Variants in EDN3 observed in about 807,000 individuals in gnomAD.
The protein encoded by EDN3 is endothelin-3.
EDN3 carries 9 observed loss-of-function variants against 21.4 expected under a neutral mutation model. That is an observed-to-expected ratio of 0.42 (90% confidence interval 0.25 to 0.73). The LOEUF is 0.73. EDN3 is among the 30% of genes least tolerant of loss of function. The pLI is 0.26. For missense variants in EDN3, 327 were observed against 309.4 expected (o/e 1.06, Z -0.43); for synonymous variants, 133 against 126.2 (o/e 1.05, Z -0.36).
intron 2 of EDN3, among the ~76,000 whole-genome samples, chr20:59,320,151 C>G (rs1203962379): frequency 1.3e-5 from 2 of 152,226 alleles, no homozygotes; most frequent in Non-Finnish European, 2.9e-5. Context: ...GGTTTCAAGC[C>G]TTCTTCATCA....
At chr20:59,307,334 A>T in intron 2 of EDN3, among the ~76,000 whole-genome samples, 1 of 152,106 alleles carries the variant, frequency 6.6e-6, no homozygotes, top group East Asian at 1.9e-4. Flanking sequence ...ATCTCATGGG[A>T]TCAGCTTGAC....
intron 3 of EDN3, 81 bp downstream of exon 3, chr20:59,321,274 A>C (rs529955520): frequency 5.4e-6 from 8 of 1,485,760 alleles, no homozygotes; most frequent in Non-Finnish European, 7.5e-6. Flanking sequence ...TTCTCAAAGG[A>C]GGGTGTAGGA....
At chr20:59,302,141 T>A (rs1989093328) in intron 2 of EDN3, among the ~76,000 whole-genome samples, 1 of 152,140 alleles carries the variant, frequency 6.6e-6, no homozygotes, top group South Asian at 2.1e-4. Context: ...GGGTTTAAAA[T>A]TCCTTGAAAG....
chr20:59,306,434 C>G (rs1421076093), intron 2 of EDN3, among the ~76,000 whole-genome samples: 1 of 152,050 alleles, frequency 6.6e-6, no homozygotes, highest in Non-Finnish European at 1.5e-5. Context: ...CGCTCCAGGA[C>G]AGTGAGCTGC....
chr20:59,309,527 G>A (rs1989655009), intron 2 of EDN3, among the ~76,000 whole-genome samples: 1 of 152,100 alleles, frequency 6.6e-6, no homozygotes, highest in Admixed American at 6.5e-5. Flanking sequence ...TTTTGAGACG[G>A]GCATGTGAAA....
chr20:59,316,370 T>C lies in EDN3; in HGVS notation c.366-4647T>C, dbSNP rs545861032. 3.3e-5 allele frequency among the ~76,000 whole-genome samples: 5 copies of C among 152,284 alleles called. No homozygotes were observed. The South Asian group carries it at 1.0e-3, about 32-fold the overall frequency. Reference sequence around the variant, plus strand: ...CATGTTGAAAAGCAGTTGGCAAATATTTGTTGAATGCTATTCAGTTGTGGG... The same window carrying C: ...CATGTTGAAAAGCAGTTGGCAAATACTTGTTGAATGCTATTCAGTTGTGGG... On this transcript the variant is annotated intron_variant, in intron 2 of 4. Transcript: ENST00000337938.
chr20:59,308,866 G>T (rs1989604525), intron 2 of EDN3, among the ~76,000 whole-genome samples: 1 of 152,144 alleles, frequency 6.6e-6, no homozygotes, highest in Non-Finnish European at 1.5e-5. Context: ...CACCTCTTTG[G>T]ACCTTCTGAC....
At chr20:59,301,839 GCACA>G in intron 2 of EDN3, 117 bp downstream of exon 2, 1 of 1,229,866 alleles carries the variant, frequency 8.1e-7, no homozygotes, top group African/African-American at 1.5e-5. Flanking sequence ...GCCTGCCCTG[GCACA>G]GCCTTTAGCT....
intron 2 of EDN3, among the ~76,000 whole-genome samples, chr20:59,311,722 C>T (rs1989826885): frequency 6.6e-6 from 1 of 151,434 alleles, no homozygotes; most frequent in East Asian, 1.9e-4. Context: ...CTTGTGTGGA[C>T]CTCCCGTCTC....
At chr20:59,319,477 C>T (rs1164619618) in intron 2 of EDN3, among the ~76,000 whole-genome samples, 6 of 151,916 alleles carry the variant, frequency 3.9e-5, no homozygotes, top group African/African-American at 7.3e-5. Context: ...TTTGGGAGGC[C>T]GAGGCAGGCG....
intron 2 of EDN3, among the ~76,000 whole-genome samples, chr20:59,314,202 T>G (rs1016272248): frequency 2.0e-5 from 3 of 152,332 alleles, no homozygotes; most frequent in Admixed American, 6.5e-5. Context: ...GCCAGCTTAC[T>G]GTGCTGGGTT....
In EDN3 at chr20:59,300,769, C is replaced by T. The variant is rs368814466; in HGVS notation, c.-44C>T. 6.7e-4 allele frequency: 1,070 copies of T among 1,591,592 alleles called. 6 individuals are homozygous for T. The Middle Eastern group carries it at 6.8e-3, about 10-fold the overall frequency. On this transcript the variant is annotated 5_prime_UTR_variant, in exon 1 of 5. Coordinates refer to ENST00000337938, the MANE Select transcript of EDN3 (RefSeq NM_207034.3). Reference sequence around the variant, plus strand: ...CCCAGTGCCCTTTCGCGGCCACAAGCGGCCGTCCTCCTGGTCCGGTGCTCC... The same window carrying T: ...CCCAGTGCCCTTTCGCGGCCACAAGTGGCCGTCCTCCTGGTCCGGTGCTCC...
intron 2 of EDN3, among the ~76,000 whole-genome samples, chr20:59,318,706 G>GCGGC (rs994465944): frequency 6.6e-6 from 1 of 152,244 alleles, no homozygotes; most frequent in Non-Finnish European, 1.5e-5. Context: ...ACCGCGCTTG[G>GCGGC]CGGCCGGGGA....
chr20:59,310,346 G>A (rs1018429268), intron 2 of EDN3, among the ~76,000 whole-genome samples: 1 of 152,142 alleles, frequency 6.6e-6, no homozygotes, highest in Admixed American at 6.5e-5. Flanking sequence ...ACAGACTTTT[G>A]CCCACTTTGG....
intron 2 of EDN3, among the ~76,000 whole-genome samples, chr20:59,316,117 C>A (rs1386999407): frequency 1.3e-5 from 2 of 152,148 alleles, no homozygotes; most frequent in Non-Finnish European, 2.9e-5. Context: ...ACCCAGGAGG[C>A]GGAGGTTGCA....
At chr20:59,320,592 G>C (rs1205862632) in intron 2 of EDN3, among the ~76,000 whole-genome samples, 1 of 152,248 alleles carries the variant, frequency 6.6e-6, no homozygotes, top group East Asian at 1.9e-4. Context: ...GGAGGAGCTA[G>C]GCCGGCCGTG....
At chr20:59,320,231 C>G (rs1209375013) in intron 2 of EDN3, among the ~76,000 whole-genome samples, 1 of 152,256 alleles carries the variant, frequency 6.6e-6, no homozygotes, top group South Asian at 2.1e-4. Context: ...TCAGAGGTCA[C>G]GGAGTGTTCC....
rs779690794 is a variant in EDN3, at chr20:59,301,658, A to G, written c.301A>G (p.Thr101Ala). ...HHRSRRCTCF[T>A]YKDKECVYYC... ...CCGATCCAGGCGCTGCACGTGCTTC[A>G]CCTACAAGGACAAGGAGTGTGTCTA... Residue 101 changes from threonine to alanine, a missense_variant, in exon 2 of 5, where the codon ACC becomes GCC. Transcript: ENST00000337938. The G allele has an allele frequency of 6.2e-7, 1 of 1,614,176 alleles. No individual in the cohort carries two copies. The highest frequency in any genetic ancestry group is 8.5e-7 in the Non-Finnish European group (1 of 1,180,022).
At chr20:59,316,857 G>A (rs190344186) in intron 2 of EDN3, among the ~76,000 whole-genome samples, 1 of 152,232 alleles carries the variant, frequency 6.6e-6, no homozygotes. Flanking sequence ...CAACACCAGA[G>A]ATTGCGTATG....
Sources: allele counts gnomAD v4.1 joint callset (sites outside exome capture counted in the v4.1 genomes callset), GRCh38; gene constraint gnomAD v4.1.1; transcripts MANE v1.5; gene names NCBI Gene and HGNC (gene_info 2026-07-23, HGNC 2026-07-21).